Variants in FRMD6 observed in about 807,000 individuals in gnomAD.
The protein encoded by FRMD6 is FERM domain-containing protein 6.
In FRMD6, 37 loss-of-function variants were observed where a neutral mutation model predicts 73.2. The observed-to-expected ratio is 0.51, with a 90% CI of 0.39 to 0.66. FRMD6 has a LOEUF of 0.66. FRMD6 is among the 30% of genes least tolerant of loss of function. The pLI is 0.00. For missense variants in FRMD6, 714 were observed against 780.5 expected (o/e 0.91, Z 1.02); for synonymous variants, 273 against 282.2 (o/e 0.97, Z 0.33).
At chr14:51,701,810 T>C (rs984895221) in intron 4 of FRMD6, among the ~76,000 whole-genome samples, 2 of 151,846 alleles carry the variant, frequency 1.3e-5, no homozygotes, top group Non-Finnish European at 2.9e-5. Flanking sequence ...ATGCTAGGTG[T>C]CAAAATTGCT....
chr14:51,618,494 A>G (rs748849453), intron 2 of FRMD6, among the ~76,000 whole-genome samples: 1 of 152,328 alleles, frequency 6.6e-6, no homozygotes. Flanking sequence ...TTGCGAGACT[A>G]CTGATGAGTG....
the FRMD6 span, among the ~76,000 whole-genome samples, chr14:51,449,029 A>T: frequency 6.6e-6 from 1 of 152,212 alleles, no homozygotes; most frequent in Non-Finnish European, 1.5e-5. Flanking sequence ...GAAAAACCTG[A>T]TGCTGCTTGT....
At chr14:51,401,183 A>C in the FRMD6 span, among the ~76,000 whole-genome samples, 20 of 152,362 alleles carry the variant, frequency 1.3e-4, no homozygotes, top group African/African-American at 4.8e-4. Context: ...TAGGAATTTA[A>C]GTCTGATCCC....
At chr14:51,699,756 ACT>A in intron 3 of FRMD6, among the ~76,000 whole-genome samples, 1 of 152,086 alleles carries the variant, frequency 6.6e-6, no homozygotes, top group East Asian at 1.9e-4. Context: ...ATATATATGT[ACT>A]ATTATGGTGA....
At chr14:51,570,048 C>G (rs1179222308) in intron 1 of FRMD6, among the ~76,000 whole-genome samples, 1 of 152,078 alleles carries the variant, frequency 6.6e-6, no homozygotes, top group Non-Finnish European at 1.5e-5. Context: ...ATCTCCTGAC[C>G]TCGTGATCTG....
At chr14:51,429,728 A>T in the FRMD6 span, among the ~76,000 whole-genome samples, 1 of 152,328 alleles carries the variant, frequency 6.6e-6, no homozygotes, top group South Asian at 2.1e-4. Flanking sequence ...TGGGCAAGTC[A>T]TGTATATTTT....
Position 51,673,704 on chromosome 14 carries a change from T to C in FRMD6, c.-146-15987T>C, listed in dbSNP as rs111990471. Among the ~76,000 whole-genome samples the C allele has an allele frequency of 9.6e-3, 1,454 of 152,236 alleles. 27 individuals carry two copies. Among genetic ancestry groups the C allele is most frequent in the African/African-American group, 0.033 (1,370 of 41,546 alleles). On this transcript the variant is annotated intron_variant, in intron 1 of 13. Transcript: ENST00000344768. ...ACTCCCCAAAACTGGAAGAAACGCA[T>C]TGAAAAATGTGGAGGGGAAAAAAAG...
At chr14:51,423,262 C>T in the FRMD6 span, among the ~76,000 whole-genome samples, 1 of 152,320 alleles carries the variant, frequency 6.6e-6, no homozygotes, top group East Asian at 1.9e-4. Flanking sequence ...CACAAGTCTC[C>T]AAGCTTCTAG....
At chr14:51,606,588 G>A (rs916385146) in intron 2 of FRMD6, among the ~76,000 whole-genome samples, 1 of 152,144 alleles carries the variant, frequency 6.6e-6, no homozygotes, top group African/African-American at 2.4e-5. Context: ...ATAGCTCTAG[G>A]ATTGAGTGTC....
chr14:51,459,864 GACTTAA>G, the FRMD6 span, among the ~76,000 whole-genome samples: 1 of 111,330 alleles, frequency 9.0e-6, no homozygotes, highest in African/African-American at 3.5e-5. Context: ...GCATACAGCT[GACTTAA>G]AATTACTGAC....
chr14:51,445,289 C>T, the FRMD6 span, among the ~76,000 whole-genome samples: 10 of 152,148 alleles, frequency 6.6e-5, no homozygotes, highest in South Asian at 4.2e-4. Flanking sequence ...CCAGGAGAGT[C>T]GCCTGCCAGC....
At chr14:51,517,550 G>A (rs545358532) in intron 1 of FRMD6, among the ~76,000 whole-genome samples, 1 of 152,050 alleles carries the variant, frequency 6.6e-6, no homozygotes, top group Non-Finnish European at 1.5e-5. Context: ...CTCCACTGTT[G>A]GTGGGGAAGA....
At chr14:51,548,264 T>G (rs1886588291) in intron 1 of FRMD6, among the ~76,000 whole-genome samples, 1 of 152,208 alleles carries the variant, frequency 6.6e-6, no homozygotes, top group South Asian at 2.1e-4. Context: ...GAATGTTCAT[T>G]CTCGCTAAGT....
At chr14:51,448,881 G>C in the FRMD6 span, among the ~76,000 whole-genome samples, 5 of 152,180 alleles carry the variant, frequency 3.3e-5, no homozygotes, top group African/African-American at 1.2e-4. Flanking sequence ...ACTTAAAAAT[G>C]CATGAAGGAA....
At chr14:51,400,082 GTCA>G in the FRMD6 span, among the ~76,000 whole-genome samples, 1 of 152,162 alleles carries the variant, frequency 6.6e-6, no homozygotes, top group Middle Eastern at 3.4e-3. Flanking sequence ...AATAAACACA[GTCA>G]TCATCTCAAA....
chr14:51,693,421 G>A (rs1009823962), intron 2 of FRMD6, among the ~76,000 whole-genome samples: 5 of 152,142 alleles, frequency 3.3e-5, no homozygotes, highest in Admixed American at 1.3e-4. Context: ...CATATATCAC[G>A]ATTAAGGTGG....
upstream of FRMD6, chr14:51,650,684 C>G (rs912221340): frequency 9.3e-5 from 14 of 150,816 alleles, no homozygotes; most frequent in African/African-American, 3.2e-4. Context: ...CGTGAGCCAC[C>G]GCGGAGCAGG....
rs59385766 is a variant in FRMD6 at position 51,585,960 on chromosome 14, T to A, written c.-147+15550T>A. 5.4e-3 allele frequency among the ~76,000 whole-genome samples: 487 copies of A among 90,894 alleles called. 6 individuals are homozygous for A. Among genetic ancestry groups the A allele is most frequent in the East Asian group, 0.014 (32 of 2,344 alleles). 59.6% of individuals were successfully genotyped at this position (90,894 alleles called of 152,430 possible). A position where few individuals can be genotyped will look rare whatever the true frequency, so the allele number is the denominator to read the frequency against. On this transcript the variant is annotated intron_variant, in intron 2 of 14. Transcript: ENST00000356218. Reference sequence around the variant, plus strand: ...GTGTGTATATATATATATATATATATAACATTTTCTTTATCAAACCTTTGT... The same window carrying A: ...GTGTGTATATATATATATATATATAAAACATTTTCTTTATCAAACCTTTGT...
chr14:51,572,249 G>T (rs369465352), intron 2 of FRMD6, among the ~76,000 whole-genome samples: 1 of 152,246 alleles, frequency 6.6e-6, no homozygotes, highest in African/African-American at 2.4e-5. Flanking sequence ...TGACCCCAGT[G>T]CAGAAGATCA....
Sources: gnomAD v4.1 joint callset for allele counts (sites outside exome capture counted in the v4.1 genomes callset) on GRCh38, gnomAD v4.1.1 for gene constraint, MANE v1.5 for transcripts, NCBI Gene and HGNC (gene_info 2026-07-23, HGNC 2026-07-21) for gene names.